The following NRG3 variants were observed in gnomAD, a reference collection of about 807,000 sequenced individuals.
NRG3 encodes the protein neuregulin 3.
A neutral mutation model predicts 66.9 loss-of-function variants in NRG3; 31 were observed. That is an observed-to-expected ratio of 0.46 (90% CI 0.35 to 0.63). NRG3 has a LOEUF of 0.63. Ranked by LOEUF, NRG3 falls within the 20% of genes least tolerant of loss-of-function variation. NRG3 has a pLI of 0.00. For synonymous variants in NRG3, 393 were observed against 359.4 expected, an observed-to-expected ratio of 1.09 and a Z score of -1.06; for missense variants, 910 against 878.9, an observed-to-expected ratio of 1.04 and a Z score of -0.45.
At chr10:82,208,644 G>A (rs1764075) in intron 1 of NRG3, among the ~76,000 whole-genome samples, 131,026 of 151,930 alleles carry the variant, frequency 0.86, 56,806 homozygotes, top group African/African-American at 0.95. Context: ...TTTAAAACAC[G>A]TATGAGGGGA....
At chr10:82,512,791 T>C (rs1218835335) in intron 2 of NRG3, among the ~76,000 whole-genome samples, 1 of 152,184 alleles carries the variant, frequency 6.6e-6, no homozygotes, top group African/African-American at 2.4e-5. Context: ...TTTGTGTTTT[T>C]TTGACTCCTA....
intron 1 of NRG3, among the ~76,000 whole-genome samples, chr10:82,173,494 A>G (rs1739780): frequency 0.76 from 115,464 of 151,952 alleles, 44,083 homozygotes; most frequent in South Asian, 0.85. Flanking sequence ...ATTAAAACAT[A>G]GCAACACAAT....
intron 2 of NRG3, among the ~76,000 whole-genome samples, chr10:82,427,785 A>G (rs898372417): frequency 2.0e-5 from 3 of 152,106 alleles, no homozygotes; most frequent in African/African-American, 7.2e-5. Flanking sequence ...AAGGACTGGT[A>G]TTAATTCATC....
rs942511245 is a variant in NRG3 at position 82,595,674 on chromosome 10, A to C, written c.954-142903A>C. Among the ~76,000 whole-genome samples, 107 of 151,748 alleles carry C rather than the reference A, an allele frequency of 7.1e-4. 1 individual carries two copies. Among genetic ancestry groups the C allele is most frequent in the African/African-American group, 2.5e-3 (102 of 41,380 alleles). On this transcript the variant is annotated intron_variant, in intron 2 of 8. Transcript: ENST00000372141. Reference sequence around the variant, plus strand: ...GTGGTGGGCGCCTGTAGTCCCAGCTACTCGGGAGGTTGAGGCAGGAGAGTC... The same window carrying C: ...GTGGTGGGCGCCTGTAGTCCCAGCTCCTCGGGAGGTTGAGGCAGGAGAGTC...
At chr10:82,838,010 G>A (rs1424670532) in intron 3 of NRG3, among the ~76,000 whole-genome samples, 1 of 152,164 alleles carries the variant, frequency 6.6e-6, no homozygotes, top group East Asian at 1.9e-4. Context: ...TTATCATCCA[G>A]GAGGAGCAGG....
intron 2 of NRG3, among the ~76,000 whole-genome samples, chr10:82,636,619 A>T (rs966012053): frequency 6.6e-6 from 1 of 152,158 alleles, no homozygotes; most frequent in Non-Finnish European, 1.5e-5. Context: ...AGGCTGAATA[A>T]TATTCAGTTT....
chr10:82,300,251 A>G (rs568172811), intron 1 of NRG3, among the ~76,000 whole-genome samples: 5 of 152,132 alleles, frequency 3.3e-5, no homozygotes, highest in Non-Finnish European at 5.9e-5. Flanking sequence ...TATAGCAAAT[A>G]AAATATAAAA....
chr10:81,953,001 C>T (rs1849518395), intron 1 of NRG3, among the ~76,000 whole-genome samples: 1 of 152,138 alleles, frequency 6.6e-6, no homozygotes, highest in Admixed American at 6.5e-5. Context: ...CTGCAGCAGG[C>T]CCTGCAAGTT....
At chr10:82,712,176 A>C (rs2056711092) in intron 2 of NRG3, among the ~76,000 whole-genome samples, 1 of 141,176 alleles carries the variant, frequency 7.1e-6, no homozygotes, top group Admixed American at 7.6e-5. Flanking sequence ...AATATATGTT[A>C]TTGGAATAGA....
intron 2 of NRG3, among the ~76,000 whole-genome samples, chr10:82,631,586 T>TG (rs1232169138): frequency 6.9e-5 from 10 of 145,720 alleles, no homozygotes; most frequent in African/African-American, 2.5e-4. Context: ...CCTTCAGCCG[T>TG]GGTTTTTTTT....
At position 81,875,221 on chromosome 10, in the gene NRG3, T is replaced by G. The variant is rs1467810215; in HGVS notation, c.-120T>G. ...ATTTGCATGCGGCCGCCGCGGCCGC[T>G]GCCTGCGCCCGAGCCCGCCGCCGCC... On this transcript the variant is annotated 5_prime_UTR_variant, in exon 1 of 9. Coordinates refer to ENST00000372141, the MANE Select transcript of NRG3 (RefSeq NM_001010848.4). The surrounding 1 kb of genome is among the most constrained non-coding windows in gnomAD (Gnocchi z 5.3). 2.2e-6 allele frequency: 1 copy of G among 461,044 alleles called. No homozygotes were observed. 28.6% of individuals were successfully genotyped at this position (461,044 alleles called of 1,614,324 possible). A position where few individuals can be genotyped will look rare whatever the true frequency, so the allele number is the denominator to read the frequency against.
chr10:82,408,062 A>AGC (rs1408589744), intron 2 of NRG3, among the ~76,000 whole-genome samples: 2 of 131,172 alleles, frequency 1.5e-5, no homozygotes, highest in East Asian at 2.3e-4. Flanking sequence ...AGAGAGAGAG[A>AGC]GAGAGAGAGA....
At chr10:82,168,906 C>G (rs774065844) in intron 1 of NRG3, among the ~76,000 whole-genome samples, 2 of 152,146 alleles carry the variant, frequency 1.3e-5, no homozygotes, top group Non-Finnish European at 2.9e-5. Context: ...TCACCTTTCT[C>G]TGGCCTGCTG....
chr10:82,392,000 AAAAAAAAAAAC>A (rs1589961339), intron 2 of NRG3, among the ~76,000 whole-genome samples: 1 of 148,330 alleles, frequency 6.7e-6, no homozygotes. Context: ...ATGCAAAAAA[AAAAAAAAAAAC>A]AAAAAAAAAA....
intron 1 of NRG3, among the ~76,000 whole-genome samples, chr10:82,253,069 A>G (rs2077560373): frequency 6.6e-6 from 1 of 152,276 alleles, no homozygotes; most frequent in South Asian, 2.1e-4. Context: ...CGCTTCGTCT[A>G]AGCCACACAT....
At chr10:82,614,825 A>G (rs2048535782) in intron 2 of NRG3, among the ~76,000 whole-genome samples, 1 of 152,098 alleles carries the variant, frequency 6.6e-6, no homozygotes, top group Admixed American at 6.6e-5. Context: ...TGTTATATAA[A>G]ACACAGGATA....
intron 1 of NRG3, among the ~76,000 whole-genome samples, chr10:82,027,188 A>G (rs993656962): frequency 1.1e-4 from 16 of 152,130 alleles, no homozygotes; most frequent in Non-Finnish European, 2.1e-4. Flanking sequence ...AATAACCAAA[A>G]TACTGTCTCC....
intron 1 of NRG3, among the ~76,000 whole-genome samples, chr10:82,225,725 G>A (rs75876383): frequency 0.023 from 3,480 of 152,266 alleles, 59 homozygotes; most frequent in Non-Finnish European, 0.037. Context: ...AAGGTCTTAG[G>A]ATATTCCTCA....
intron 1 of NRG3, among the ~76,000 whole-genome samples, chr10:82,001,755 A>T (rs2061177327): frequency 6.6e-6 from 1 of 152,228 alleles, no homozygotes; most frequent in African/African-American, 2.4e-5. Flanking sequence ...TTAAGAAGCT[A>T]AGAGGAAAAT....
Sources: allele counts gnomAD v4.1 joint callset (sites outside exome capture counted in the v4.1 genomes callset), GRCh38; gene constraint gnomAD v4.1.1; non-coding constraint Gnocchi (gnomAD v3.1); transcripts MANE v1.5; gene names NCBI Gene and HGNC (gene_info 2026-07-23, HGNC 2026-07-21).